DST: variants seen among roughly 807,000 people sequenced by gnomAD.
The protein encoded by DST is dystonin, also known as bullous pemphigoid antigen.
DST carries 253 observed loss-of-function variants against 875.2 expected under a neutral mutation model. That is an observed-to-expected ratio of 0.29 (90% CI 0.26 to 0.32). The LOEUF (loss-of-function observed/expected upper bound fraction) is 0.32. Among genes scored for constraint, DST ranks in the 10% least tolerant of loss-of-function variants. The pLI, the probability that DST is intolerant of heterozygous loss-of-function variation, is 1.00. For missense variants in DST, 8,287 were observed against 9,111.6 expected (o/e 0.91, Z 3.68); for synonymous variants, 3,124 against 3,197.1 (o/e 0.98, Z 0.77).
At chr6:56,636,744 T>C (rs2098829494) in intron 22 of DST, 92 bp from the exon 23 acceptor site, 2 of 1,032,086 alleles carry the variant, frequency 1.9e-6, no homozygotes, top group Admixed American at 3.5e-5. Context: ...CTAACTCTAC[T>C]ATCTAAATAG....
intron 4 of DST, among the ~76,000 whole-genome samples, chr6:56,835,560 C>G (rs2099792614): frequency 6.6e-6 from 1 of 152,140 alleles, no homozygotes; most frequent in Non-Finnish European, 1.5e-5. Context: ...GTAGGAAGAG[C>G]CACAGTACTT....
At chr6:56,683,708 T>C (rs1442561392) in intron 9 of DST, among the ~76,000 whole-genome samples, 1 of 152,192 alleles carries the variant, frequency 6.6e-6, no homozygotes, top group Non-Finnish European at 1.5e-5. Flanking sequence ...TGCTTTCATT[T>C]TGTATGAATG....
At chr6:56,667,073 C>T (rs2099075800) in intron 10 of DST, among the ~76,000 whole-genome samples, 1 of 151,994 alleles carries the variant, frequency 6.6e-6, no homozygotes, top group Admixed American at 6.6e-5. Flanking sequence ...CCATGCCTGG[C>T]TAATTTTTAA....
chr6:56,595,730 T>C (rs1001224775), intron 47 of DST, among the ~76,000 whole-genome samples: 1 of 152,032 alleles, frequency 6.6e-6, no homozygotes, highest in Non-Finnish European at 1.5e-5. Flanking sequence ...TTAACTAACT[T>C]CTTTCCCACA....
intron 61 of DST, among the ~76,000 whole-genome samples, chr6:56,541,774 C>A (rs1231767678): frequency 6.6e-6 from 1 of 152,140 alleles, no homozygotes; most frequent in African/African-American, 2.4e-5. Context: ...TATCCTTTTA[C>A]CTGGTTGATT....
Position 56,552,913 on chromosome 6 carries a change from C to T in DST, c.15879G>A (p.Lys5293=). ...KESKRQLQCA[K]EQLDIHDSLG... is the part of the protein sequence containing the mutation. ...GCGAATCATGGATATCTAGCTGCTCCTTTGCACACTGAAGCTGCCTTTTAG... is the reference window on the plus strand; with the variant it reads ...GCGAATCATGGATATCTAGCTGCTCTTTTGCACACTGAAGCTGCCTTTTAG... The change falls in exon 61 of 104, where the codon AAG becomes AAA. Residue 5293 remains lysine, a synonymous_variant. Coordinates refer to ENST00000680361, the MANE Select transcript of DST (RefSeq NM_001374736.1). The T allele has an allele frequency of 1.2e-6, 2 of 1,614,010 alleles. No homozygotes were observed. The highest frequency in any genetic ancestry group is 1.7e-5 in the Admixed American group (1 of 60,028).
At chr6:56,781,591 G>A (rs1284273338) in intron 4 of DST, among the ~76,000 whole-genome samples, 2 of 152,194 alleles carry the variant, frequency 1.3e-5, no homozygotes, top group African/African-American at 4.8e-5. Flanking sequence ...AGACTTTGCT[G>A]AAGTTGCTTA....
chr6:56,695,829 T>C (rs1046514621), intron 9 of DST, among the ~76,000 whole-genome samples: 5 of 152,200 alleles, frequency 3.3e-5, no homozygotes, highest in African/African-American at 1.2e-4. Flanking sequence ...AATAAAACAA[T>C]TGGTCTTTTG....
chr6:56,516,192 A>C (rs1483625268), intron 71 of DST, among the ~76,000 whole-genome samples: 1 of 151,188 alleles, frequency 6.6e-6, no homozygotes, highest in South Asian at 2.1e-4. Flanking sequence ...AGAAAGAGAA[A>C]GAGAAGGAGA....
chr6:56,872,417 G>C (rs1777624797), intron 3 of DST, among the ~76,000 whole-genome samples: 1 of 152,140 alleles, frequency 6.6e-6, no homozygotes, highest in Non-Finnish European at 1.5e-5. Flanking sequence ...AGCTACTCAA[G>C]AGGATGAGGT....
intron 85 of DST, 88 bp downstream of exon 85, chr6:56,492,139 T>C: frequency 8.5e-7 from 1 of 1,179,582 alleles, no homozygotes; most frequent in East Asian, 2.4e-5. Flanking sequence ...TAATACAGCC[T>C]GTGATAAAAG....
In DST at chr6:56,552,332, A is replaced by G. The variant is rs2097339104; in HGVS notation, c.16460T>C (p.Val5487Ala). The change falls in exon 61 of 104, where the codon GTT (valine) becomes GCT (alanine). Residue 5487 changes from valine (V) to alanine (A), a missense_variant. Physicochemically the swap from Val to Ala is moderately conservative, Grantham distance 64 (BLOSUM62 0). Transcript: ENST00000680361. ...LDRAQAREEQVEGTIKRLEEF... is the reference protein window; with the variant it reads ...LDRAQAREEQAEGTIKRLEEF... Reference sequence around the variant, plus strand: ...TTCAAGGCGCTTAATTGTCCCTTCAACCTGCTCTTCTCTGGCTTGGGCTCG... The same window carrying G: ...TTCAAGGCGCTTAATTGTCCCTTCAGCCTGCTCTTCTCTGGCTTGGGCTCG... The G allele has an allele frequency of 5.6e-6, 9 of 1,613,920 alleles. No individual in the cohort carries two copies. The highest frequency in any genetic ancestry group is 1.3e-5 in the African/African-American group (1 of 75,012).
intron 61 of DST, among the ~76,000 whole-genome samples, chr6:56,551,932 T>A (rs781404702): frequency 3.9e-5 from 6 of 152,204 alleles, no homozygotes; most frequent in Non-Finnish European, 8.8e-5. Context: ...AGTTTCTGGC[T>A]TGCCTGGAAC....
chr6:56,550,051 T>C (rs949215424), intron 61 of DST, among the ~76,000 whole-genome samples: 2 of 152,180 alleles, frequency 1.3e-5, no homozygotes, highest in African/African-American at 4.8e-5. Context: ...AAAATAGTGC[T>C]TGACACATAG....
chr6:56,473,045 T>C (rs767050355), intron 93 of DST, among the ~76,000 whole-genome samples: 13 of 152,238 alleles, frequency 8.5e-5, no homozygotes, highest in Non-Finnish European at 1.5e-4. Flanking sequence ...GCATTTTGTA[T>C]GTACTAGCTC....
chr6:56,508,112 G>A (rs1026771169), intron 75 of DST, among the ~76,000 whole-genome samples: 1 of 152,150 alleles, frequency 6.6e-6, no homozygotes, highest in Non-Finnish European at 1.5e-5. Flanking sequence ...TTGGCTGACT[G>A]TAACCTCCAC....
Position 56,858,466 on chromosome 6 carries a change from C to A in DST, c.418-6862G>T, listed in dbSNP as rs1903333. Among the ~76,000 whole-genome samples, 531 of 152,246 alleles carry A rather than the reference C, an allele frequency of 3.5e-3. 9 individuals carry two copies. Among genetic ancestry groups the A allele is most frequent in the Admixed American group, 0.028 (430 of 15,286 alleles). ...GGGAGACAATTTTCAATGTCATTTT[C>A]CTCTAACTGTATGGTCTCTCTCACA... On this transcript the variant is annotated intron_variant, in intron 3 of 103. Coordinates refer to ENST00000680361, the MANE Select transcript of DST (RefSeq NM_001374736.1).
In DST at chr6:56,555,810, G is replaced by A; in HGVS notation, c.14671C>T (p.Pro4891Ser). The change falls in exon 60 of 104, where the codon CCT (proline) becomes TCT (serine). Residue 4891 changes from proline to serine, a missense_variant. Coordinates refer to ENST00000680361, the MANE Select transcript of DST (RefSeq NM_001374736.1). ...ILLQEFATRK[P>S]QYEQLTAAGQ... ...GCTGCTGTCAGCTGTTCATATTGAG[G>A]TTTCCGAGTGGCGAATTCTTGCAGC... 6.6e-7 allele frequency: 1 copy of A among 1,509,986 alleles called. No individual in the cohort carries two copies. The highest frequency in any genetic ancestry group is 1.4e-5 in the South Asian group (1 of 70,532). The allele number at this position is 1,509,986 out of a possible 1,614,324, so 93.5% of individuals were successfully genotyped here. A position where few individuals can be genotyped will look rare whatever the true frequency, so the allele number is the denominator to read the frequency against.
At chr6:56,556,359 A>G (rs1224526070) in intron 59 of DST, among the ~76,000 whole-genome samples, 1 of 152,196 alleles carries the variant, frequency 6.6e-6, no homozygotes, top group Non-Finnish European at 1.5e-5. Flanking sequence ...TCAACAAATC[A>G]TGCTGCTCAG....
Sources: allele counts gnomAD v4.1 joint callset (sites outside exome capture counted in the v4.1 genomes callset), GRCh38; gene constraint gnomAD v4.1.1; transcripts MANE v1.5; gene names NCBI Gene and HGNC (gene_info 2026-07-23, HGNC 2026-07-21).